Variants in IGSF9B observed in about 807,000 individuals in gnomAD.
IGSF9B encodes the protein protein turtle homolog B.
Under a neutral mutation model 143.7 loss-of-function variants are expected in IGSF9B, and 48 were observed. The observed-to-expected ratio is 0.33, with a 90% CI of 0.26 to 0.42. The LOEUF is 0.42. Ranked by LOEUF, IGSF9B falls within the 20% of genes least tolerant of loss-of-function variation. IGSF9B has a pLI of 1.00. For missense variants in IGSF9B, 1,706 were observed against 1,980.0 expected (o/e 0.86, Z 2.63); for synonymous variants, 903 against 833.1 (o/e 1.08, Z -1.44).
chr11:133,956,958 G>T lies in IGSF9B; in HGVS notation c.-204C>A. ...GCGCCTCCCCGGCCCCGGCGCAGCG[G>T]CACCTGCACTACTCGCCCGGGCGGA... On this transcript the variant is annotated 5_prime_UTR_variant, in exon 1 of 20. Coordinates refer to ENST00000533871, the MANE Select transcript of IGSF9B (RefSeq NM_001277285.4). 1.1e-5 allele frequency: 4 copies of T among 376,794 alleles called. No homozygotes were observed. Among genetic ancestry groups the T allele is most frequent in the Non-Finnish European group, 1.9e-5 (4 of 210,994 alleles). 23.3% of individuals were successfully genotyped at this position (376,794 alleles called of 1,614,324 possible).
At chr11:133,933,358 A>T in intron 7 of IGSF9B, among the ~76,000 whole-genome samples, 1 of 152,332 alleles carries the variant, frequency 6.6e-6, no homozygotes, top group South Asian at 2.1e-4. Context: ...GAACACTATC[A>T]TAGGCTTAAC....
chr11:133,926,559 T>A (rs1028829952), intron 13 of IGSF9B, among the ~76,000 whole-genome samples: 6 of 152,238 alleles, frequency 3.9e-5, no homozygotes, highest in Admixed American at 2.6e-4. Flanking sequence ...GGCAGCCACA[T>A]GCCTACCGCC....
intron 1 of IGSF9B, among the ~76,000 whole-genome samples, chr11:133,949,162 A>G (rs1940113909): frequency 6.6e-6 from 1 of 152,202 alleles, no homozygotes; most frequent in South Asian, 2.1e-4. Context: ...CAGAGAGGAC[A>G]CATCCCAAAG....
At chr11:133,955,119 G>A (rs1010232020) in intron 1 of IGSF9B, among the ~76,000 whole-genome samples, 3 of 152,072 alleles carry the variant, frequency 2.0e-5, no homozygotes, top group Admixed American at 6.5e-5. Context: ...CCCATAGCAG[G>A]AACATACCAA....
At chr11:133,935,930 G>A in intron 6 of IGSF9B, 123 bp downstream of exon 6, 1 of 1,401,636 alleles carries the variant, frequency 7.1e-7, no homozygotes, top group Non-Finnish European at 9.7e-7. Context: ...ACACGGACCA[G>A]ACTGCCCACC....
rs1434114018 is a variant in IGSF9B, at chr11:133,937,407, C to A, written c.648G>T (p.Glu216Asp). The A allele has an allele frequency of 4.3e-6, 7 of 1,613,364 alleles. No individual in the cohort carries two copies. Among genetic ancestry groups the A allele is most frequent in the Non-Finnish European group, 5.9e-6 (7 of 1,179,364 alleles). The change falls in exon 5 of 20, where the codon GAG becomes GAT. Residue 216 changes from glutamate to aspartate, a missense_variant. By Grantham distance (45) the Glu-to-Asp change is conservative. Around this residue, in one of 7 missense-constraint regions of IGSF9B, gnomAD observed 238 missense variants for 452.6 expected, o/e 0.53. Transcript: ENST00000533871. ...YTCRAYSIQG[E>D]AVHTTHLLVQ... ...CAAGCAGGTGAGTCGTGTGGACAGC[C>A]TCCCCCTGAATGCTGTACGCTCGGC...
rs146489168 is a variant in IGSF9B, at chr11:133,904,666, C to CT, written c.*4402dup. Among the ~76,000 whole-genome samples the CT allele has an allele frequency of 5.4e-3, 817 of 152,172 alleles. 3 individuals are homozygous for CT. Among genetic ancestry groups the CT allele is most frequent in the Middle Eastern group, 0.014 (4 of 292 alleles). ...GTGTACCCTGCACCCTTACAAGTAA[C>CT]TAAGTTATCACATGACTCAAAGAGA... On this transcript the variant is annotated 3_prime_UTR_variant, in exon 20 of 20. Coordinates refer to ENST00000533871, the MANE Select transcript of IGSF9B (RefSeq NM_001277285.4).
At chr11:133,947,708 T>TCTCTCTCTC (rs1940079154) in intron 1 of IGSF9B, among the ~76,000 whole-genome samples, 3 of 134,800 alleles carry the variant, frequency 2.2e-5, no homozygotes, top group Admixed American at 7.3e-5. Flanking sequence ...TCTGTGTTTG[T>TCTCTCTCTC]TCTCTCTCTC....
chr11:133,935,944 C>A (rs1432146622), intron 6 of IGSF9B, 109 bp downstream of exon 6: 20 of 1,441,814 alleles, frequency 1.4e-5, no homozygotes, highest in Non-Finnish European at 1.8e-5. Flanking sequence ...GCCCACCTCC[C>A]CCAGCTCCAA....
intron 18 of IGSF9B, chr11:133,919,017 C>G (rs766086261): frequency 2.0e-6 from 1 of 490,370 alleles, no homozygotes. Flanking sequence ...CGTCCAGGCC[C>G]TGGTACCTGG....
chr11:133,900,685 T>G lies in IGSF9B; in HGVS notation c.*8384A>C, dbSNP rs1401047535. 6.6e-6 allele frequency: 1 copy of G among 152,466 alleles called. No homozygotes were observed. The highest frequency in any genetic ancestry group is 2.4e-5 in the African/African-American group (1 of 41,428). 9.4% of individuals were successfully genotyped at this position (152,466 alleles called of 1,614,324 possible). A position where few individuals can be genotyped will look rare whatever the true frequency, so the allele number is the denominator to read the frequency against. ...TGTCCCAGGATTGGAGCATCCTATT[T>G]GCAATGGCACTTTATTTCCAATTAA... On this transcript the variant is annotated 3_prime_UTR_variant, in exon 20 of 20. Transcript: ENST00000533871.
chr11:133,923,395 T>C (rs536793946), intron 15 of IGSF9B, among the ~76,000 whole-genome samples: 2 of 152,326 alleles, frequency 1.3e-5, no homozygotes, highest in Admixed American at 6.5e-5. Flanking sequence ...GGAAGTACCC[T>C]AGAGCTGGCA....
chr11:133,956,903 A>G lies in IGSF9B; in HGVS notation c.-149T>C, dbSNP rs1294360818. 4.8e-6 allele frequency: 2 copies of G among 420,890 alleles called. No homozygotes were observed. Among genetic ancestry groups the G allele is most frequent in the Non-Finnish European group, 8.3e-6 (2 of 241,404 alleles). 26.1% of individuals were successfully genotyped at this position (420,890 alleles called of 1,614,324 possible). A position where few individuals can be genotyped will look rare whatever the true frequency, so the allele number is the denominator to read the frequency against. On this transcript the variant is annotated 5_prime_UTR_variant, in exon 1 of 20. The change abolishes an upstream ATG in the 5' untranslated region. Coordinates refer to ENST00000533871, the MANE Select transcript of IGSF9B (RefSeq NM_001277285.4). ...CTGCAGCCCGGGTGGCCAGCTCTCC[A>G]TCCCTCCTAGGCTCCGCTCGGCTCG... is the stretch of plus-strand genomic sequence containing the variant.
intron 18 of IGSF9B, among the ~76,000 whole-genome samples, chr11:133,916,125 G>A (rs941463757): frequency 3.4e-4 from 52 of 152,314 alleles, no homozygotes; most frequent in East Asian, 7.7e-4. Context: ...AATGGGAAAG[G>A]GAGTGGAAGC....
At chr11:133,929,058 G>C (rs1939677648) in intron 12 of IGSF9B, among the ~76,000 whole-genome samples, 1 of 152,156 alleles carries the variant, frequency 6.6e-6, no homozygotes, top group South Asian at 2.1e-4. Flanking sequence ...GTGTTTGCCA[G>C]CACAACAGGA....
At chr11:133,910,476 G>A (rs1392689355) in intron 19 of IGSF9B, among the ~76,000 whole-genome samples, 1 of 152,222 alleles carries the variant, frequency 6.6e-6, no homozygotes, top group African/African-American at 2.4e-5. Context: ...CTCGACGTAA[G>A]ATGTGAAGGC....
rs1442848058 is a variant in IGSF9B, at chr11:133,948,021, A to G, written c.65-1763T>C. Among the ~76,000 whole-genome samples the G allele has an allele frequency of 1.4e-5, 2 of 146,236 alleles. No homozygotes were observed. The highest frequency in any genetic ancestry group is 3.0e-5 in the Non-Finnish European group (2 of 66,854). ...TGTGGGTGACTGTGTCTACCTGCCTATCTCTCTCCCTGTTTCTGTCTACCA... is the reference window on the plus strand; with the variant it reads ...TGTGGGTGACTGTGTCTACCTGCCTGTCTCTCTCCCTGTTTCTGTCTACCA... On this transcript the variant is annotated intron_variant, in intron 1 of 19. Coordinates refer to ENST00000533871, the MANE Select transcript of IGSF9B (RefSeq NM_001277285.4). The surrounding 1 kb of genome is among the most constrained non-coding windows in gnomAD (Gnocchi z 4.7).
chr11:133,952,480 G>C (rs1457253725), intron 1 of IGSF9B, among the ~76,000 whole-genome samples: 1 of 152,170 alleles, frequency 6.6e-6, no homozygotes, highest in African/African-American at 2.4e-5. Flanking sequence ...ACGGAGAGGA[G>C]TGGCCCCCAC....
intron 1 of IGSF9B, chr11:133,951,972 G>A (rs1179971826): frequency 9.0e-6 from 4 of 445,256 alleles, no homozygotes; most frequent in African/African-American, 2.0e-5. Context: ...ACAGGCCCCC[G>A]CTCCATCTCG....
Sources: gnomAD v4.1 joint callset for allele counts (sites outside exome capture counted in the v4.1 genomes callset) on GRCh38, gnomAD v4.1.1 for gene constraint, gnomAD v4.1.1 regional missense constraint, Gnocchi (gnomAD v3.1) non-coding constraint, MANE v1.5 for transcripts, NCBI Gene and HGNC (gene_info 2026-07-23, HGNC 2026-07-21) for gene names.